ELMO1: variants seen among roughly 807,000 people sequenced by gnomAD.
The protein encoded by ELMO1 is engulfment and cell motility protein 1.
A neutral mutation model predicts 98.9 loss-of-function variants in ELMO1; 26 were observed. That is an observed-to-expected ratio of 0.26 (90% CI 0.19 to 0.36). The LOEUF (loss-of-function observed/expected upper bound fraction) is 0.36, where lower values mean the gene tolerates loss of function less well. ELMO1 is among the 10% of genes least tolerant of loss of function. The pLI is 1.00. For missense variants in ELMO1, 627 were observed against 935.2 expected (o/e 0.67, Z 4.30); for synonymous variants, 346 against 346.0 (o/e 1.00, Z 0.00).
intron 13 of ELMO1, among the ~76,000 whole-genome samples, chr7:37,159,711 T>A (rs1280062584): frequency 3.1e-4 from 47 of 151,468 alleles, no homozygotes; most frequent in Middle Eastern, 3.4e-3. Context: ...AAAATAATAA[T>A]AATAATAATA....
intron 1 of ELMO1, among the ~76,000 whole-genome samples, chr7:37,425,702 C>A (rs1048835793): frequency 2.0e-5 from 3 of 152,180 alleles, no homozygotes; most frequent in African/African-American, 7.2e-5. Context: ...CAAATAAGTG[C>A]TCCACAGAGT....
At chr7:37,431,952 G>T (rs1204103107) in intron 1 of ELMO1, among the ~76,000 whole-genome samples, 2 of 152,196 alleles carry the variant, frequency 1.3e-5, no homozygotes, top group Non-Finnish European at 2.9e-5. Context: ...TGCGATCTCA[G>T]CTCACCACAG....
chr7:37,145,213 CTT>C (rs1787906369), intron 13 of ELMO1, among the ~76,000 whole-genome samples: 1 of 152,206 alleles, frequency 6.6e-6, no homozygotes, highest in African/African-American at 2.4e-5. Context: ...GTTGAGGACT[CTT>C]TGAGACCCAC....
At chr7:37,315,985 A>AT (rs1562606601) in intron 2 of ELMO1, 25 bp from the exon 3 acceptor site, 16 of 1,308,488 alleles carry the variant, frequency 1.2e-5, no homozygotes, top group African/African-American at 3.3e-5. Flanking sequence ...AAAAGGAAAT[A>AT]CTTGTTAGTT....
intron 1 of ELMO1, among the ~76,000 whole-genome samples, chr7:37,438,495 G>A (rs1805250801): frequency 6.6e-6 from 1 of 151,746 alleles, no homozygotes; most frequent in African/African-American, 2.4e-5. Flanking sequence ...AGCTACTTCG[G>A]AGGCTGGGGC....
intron 15 of ELMO1, among the ~76,000 whole-genome samples, chr7:37,090,394 T>A (rs1290690895): frequency 6.6e-6 from 1 of 152,232 alleles, no homozygotes; most frequent in Non-Finnish European, 1.5e-5. Context: ...GGGACATTTC[T>A]TTTCATTATT....
At chr7:36,963,255 G>A (rs1169888859) in intron 16 of ELMO1, among the ~76,000 whole-genome samples, 1 of 152,100 alleles carries the variant, frequency 6.6e-6, no homozygotes, top group Non-Finnish European at 1.5e-5. Context: ...CCGTGCGCCT[G>A]TACTCCTAGC....
intron 16 of ELMO1, among the ~76,000 whole-genome samples, chr7:36,956,326 C>G (rs1478514616): frequency 6.6e-6 from 1 of 152,192 alleles, no homozygotes; most frequent in Non-Finnish European, 1.5e-5. Flanking sequence ...TGATGATTTT[C>G]TTATCCTTCT....
At chr7:36,995,829 ATACAAATGAGATAATC>A (rs1302397926) in intron 16 of ELMO1, among the ~76,000 whole-genome samples, 1 of 152,204 alleles carries the variant, frequency 6.6e-6, no homozygotes, top group Non-Finnish European at 1.5e-5. Flanking sequence ...TGGCTGTATT[ATACAAATGAGATAATC>A]TACAAATGAG....
At chr7:37,236,584 T>C (rs1379133459) in intron 7 of ELMO1, among the ~76,000 whole-genome samples, 1 of 152,216 alleles carries the variant, frequency 6.6e-6, no homozygotes, top group Non-Finnish European at 1.5e-5. Context: ...CATAGGTATA[T>C]AATATATACA....
intron 1 of ELMO1, among the ~76,000 whole-genome samples, chr7:37,441,320 G>C (rs17171047): frequency 1.3e-5 from 2 of 152,132 alleles, no homozygotes; most frequent in African/African-American, 4.8e-5. Context: ...AGCAGAGAAG[G>C]TAAATAAAAG....
intron 1 of ELMO1, among the ~76,000 whole-genome samples, chr7:37,376,336 G>C (rs1458947953): frequency 6.6e-6 from 1 of 152,076 alleles, no homozygotes; most frequent in East Asian, 1.9e-4. Flanking sequence ...CTATGGGAGG[G>C]GCCTGAGTAC....
chr7:37,154,471 A>G (rs1788588074), intron 13 of ELMO1, among the ~76,000 whole-genome samples: 1 of 152,244 alleles, frequency 6.6e-6, no homozygotes, highest in African/African-American at 2.4e-5. Context: ...AAGAGCTTAA[A>G]TGACCTGATG....
chr7:36,965,922 C>G (rs1037729038), intron 16 of ELMO1, among the ~76,000 whole-genome samples: 1 of 152,152 alleles, frequency 6.6e-6, no homozygotes, highest in African/African-American at 2.4e-5. Flanking sequence ...ATGTCTTGAT[C>G]CCCCATCCTG....
intron 4 of ELMO1, among the ~76,000 whole-genome samples, chr7:37,288,190 C>A (rs1046653517): frequency 1.3e-4 from 19 of 151,460 alleles, no homozygotes; most frequent in African/African-American, 4.6e-4. Flanking sequence ...AAACTCCTGA[C>A]CTCAGGTGAT....
chr7:37,232,949 C>A, intron 8 of ELMO1, 146 bp downstream of exon 8: 1 of 729,342 alleles, frequency 1.4e-6, no homozygotes, highest in East Asian at 2.9e-5. Flanking sequence ...TCCTGACCCC[C>A]ACATACATAA....
chr7:37,217,399 A>T (rs1793348930), intron 10 of ELMO1, among the ~76,000 whole-genome samples: 1 of 152,220 alleles, frequency 6.6e-6, no homozygotes, highest in Non-Finnish European at 1.5e-5. Context: ...TATCAAGCAT[A>T]GTCTTGGAGC....
chr7:37,018,590 C>G (rs1794088175), intron 15 of ELMO1, among the ~76,000 whole-genome samples: 1 of 152,112 alleles, frequency 6.6e-6, no homozygotes, highest in African/African-American at 2.4e-5. Context: ...GATTCTCCTG[C>G]CTCAGCCTCC....
At chr7:37,417,660 T>TCACACACACACACACACACACACACACA (rs34297401) in intron 1 of ELMO1, among the ~76,000 whole-genome samples, 1 of 109,628 alleles carries the variant, frequency 9.1e-6, no homozygotes. Flanking sequence ...TAAGACTCCG[T>TCACACACACACACACACACACACACACA]CACACACACA....
Sources: gnomAD v4.1 joint callset for allele counts (sites outside exome capture counted in the v4.1 genomes callset) on GRCh38, gnomAD v4.1.1 for gene constraint, MANE v1.5 for transcripts, NCBI Gene and HGNC (gene_info 2026-07-23, HGNC 2026-07-21) for gene names.